KANSL1L: variants seen among roughly 807,000 people sequenced by gnomAD.
KANSL1L encodes the protein KAT8 regulatory NSL complex subunit 1-like protein.
KANSL1L carries 25 observed loss-of-function variants against 108.6 expected under a neutral mutation model. The ratio of observed to expected loss-of-function variants is 0.23; its 90% CI spans 0.17 to 0.32. The LOEUF is 0.32. Among genes scored for constraint, KANSL1L ranks in the 10% least tolerant of loss-of-function variants. The pLI, the probability that KANSL1L is intolerant of heterozygous loss-of-function variation, is 1.00. For synonymous variants in KANSL1L, 405 were observed against 395.1 expected (o/e 1.03, Z -0.30); for missense variants, 1,137 against 1,125.7 (o/e 1.01, Z -0.14).
At chr2:210,083,458 C>A (rs765148311) in intron 5 of KANSL1L, among the ~76,000 whole-genome samples, 42 of 152,228 alleles carry the variant, frequency 2.8e-4, no homozygotes, top group Non-Finnish European at 5.6e-4. Context: ...AGGCAGCAAC[C>A]TTTTCCATAC....
chr2:210,094,235 T>G (rs55682356), intron 5 of KANSL1L, among the ~76,000 whole-genome samples: 1 of 152,160 alleles, frequency 6.6e-6, no homozygotes, highest in African/African-American at 2.4e-5. Flanking sequence ...TTTATAATTT[T>G]GAAAAATACT....
In KANSL1L at chr2:210,075,485, C is replaced by A. The variant is rs533754371; in HGVS notation, c.1755+67G>T. 64 of 1,026,732 alleles carry A rather than the reference C, an allele frequency of 6.2e-5. No individual in the cohort carries two copies. In the South Asian group the frequency reaches 8.2e-4, roughly 13 times the overall value. 63.6% of individuals were successfully genotyped at this position (1,026,732 alleles called of 1,614,324 possible). A position where few individuals can be genotyped will look rare whatever the true frequency, so the allele number is the denominator to read the frequency against. On this transcript the variant is annotated intron_variant, in intron 6 of 14. Coordinates refer to ENST00000281772, the MANE Select transcript of KANSL1L (RefSeq NM_152519.4). Reference sequence around the variant, plus strand: ...TGTTATGCTAAATAACAATCTACATCTTCTCATGCATGAAATATGCTGATG... The same window carrying A: ...TGTTATGCTAAATAACAATCTACATATTCTCATGCATGAAATATGCTGATG...
intron 2 of KANSL1L, among the ~76,000 whole-genome samples, chr2:210,133,753 T>G (rs185243980): frequency 4.6e-5 from 7 of 152,276 alleles, no homozygotes; most frequent in Admixed American, 1.3e-4. Context: ...ATGTTTCTAA[T>G]ATTATTCAGT....
intron 3 of KANSL1L, among the ~76,000 whole-genome samples, chr2:210,105,319 A>AT (rs2094836029): frequency 6.7e-6 from 1 of 148,156 alleles, no homozygotes; most frequent in African/African-American, 2.5e-5. Context: ...TATATTATAT[A>AT]TTATATACAC....
chr2:210,052,626 C>T (rs1489074496), intron 6 of KANSL1L, among the ~76,000 whole-genome samples: 1 of 152,188 alleles, frequency 6.6e-6, no homozygotes, highest in Non-Finnish European at 1.5e-5. Context: ...AATTTTCTAT[C>T]TCCTTACTTT....
chr2:210,039,998 T>G (rs1275637009), intron 8 of KANSL1L, among the ~76,000 whole-genome samples: 2 of 151,852 alleles, frequency 1.3e-5, no homozygotes, highest in Admixed American at 6.5e-5. Context: ...TCTCTAAACT[T>G]TTTATAATAA....
At position 210,104,262 on chromosome 2, in the gene KANSL1L, T is replaced by C; in HGVS notation, c.1270A>G (p.Ile424Val). 1 of 1,613,846 alleles carries C rather than the reference T, an allele frequency of 6.2e-7. No homozygotes were observed. Among genetic ancestry groups the C allele is most frequent in the South Asian group, 1.1e-5 (1 of 91,068 alleles). ...VLEECQLPKD[I>V]LKKQMQFADQ... is the part of the protein sequence containing the mutation. Reference sequence around the variant, plus strand: ...GCAAATTGCATTTGTTTTTTCAAAATATCTTTTGGAAGCTGACATTCTTCT... The same window carrying C: ...GCAAATTGCATTTGTTTTTTCAAAACATCTTTTGGAAGCTGACATTCTTCT... Residue 424 changes from isoleucine (I) to valine (V), a missense_variant, in exon 4 of 15, where the codon ATT becomes GTT. Coordinates refer to ENST00000281772, the MANE Select transcript of KANSL1L (RefSeq NM_152519.4).
intron 3 of KANSL1L, among the ~76,000 whole-genome samples, chr2:210,107,516 A>AAG (rs1362338029): frequency 2.8e-5 from 4 of 141,060 alleles, no homozygotes; most frequent in Non-Finnish European, 6.1e-5. Context: ...TCCTCAAAAA[A>AAG]AAAATATATA....
intron 12 of KANSL1L, among the ~76,000 whole-genome samples, chr2:210,026,654 AAAT>A (rs1216011718): frequency 6.6e-6 from 1 of 152,252 alleles, no homozygotes; most frequent in Non-Finnish European, 1.5e-5. Flanking sequence ...ATTTAAACTT[AAAT>A]AATGAGTGAG....
intron 1 of KANSL1L, among the ~76,000 whole-genome samples, chr2:210,163,737 GTATACT>G (rs1401344645): frequency 6.6e-6 from 1 of 151,904 alleles, no homozygotes; most frequent in African/African-American, 2.4e-5. Flanking sequence ...ATATACAATA[GTATACT>G]TATAACAAAT....
At position 210,021,526 on chromosome 2, in the gene KANSL1L, TTTG is replaced by T. The variant is rs2093855519; in HGVS notation, c.*1420_*1422del. 1 of 152,574 alleles carries T rather than the reference TTTG, an allele frequency of 6.6e-6. No homozygotes were observed. The highest frequency in any genetic ancestry group is 2.4e-5 in the African/African-American group (1 of 41,448). The allele number at this position is 152,574 out of a possible 1,614,324, so 9.5% of individuals were successfully genotyped here. A position where few individuals can be genotyped will look rare whatever the true frequency, so the allele number is the denominator to read the frequency against. ...CTGGACAACTTGGGTTTGTCTGGCT[TTTG>T]TTTTCTTTTTCTTTAAAAATAAATG... On this transcript the variant is annotated 3_prime_UTR_variant, in exon 15 of 15. Transcript: ENST00000281772.
At chr2:210,089,563 C>T (rs1298863135) in intron 5 of KANSL1L, among the ~76,000 whole-genome samples, 1 of 152,086 alleles carries the variant, frequency 6.6e-6, no homozygotes, top group Admixed American at 6.6e-5. Context: ...GATTAACACA[C>T]CTGCCCAAGT....
intron 6 of KANSL1L, among the ~76,000 whole-genome samples, chr2:210,049,296 TCCACCCAC>T (rs1248994443): frequency 9.2e-6 from 1 of 108,768 alleles, no homozygotes; most frequent in African/African-American, 3.5e-5. Flanking sequence ...CCCCCACCCC[TCCACCCAC>T]CACACTTCTC....
chr2:210,059,135 C>T (rs2094392093), intron 6 of KANSL1L, among the ~76,000 whole-genome samples: 4 of 132,462 alleles, frequency 3.0e-5, no homozygotes, highest in Non-Finnish European at 4.7e-5. Context: ...GAGACTCCGT[C>T]TCAAAAAAAA....
intron 9 of KANSL1L, 56 bp from the exon 10 acceptor site, chr2:210,029,974 AAT>A (rs1203051812): frequency 5.0e-6 from 4 of 794,002 alleles, no homozygotes; most frequent in Non-Finnish European, 6.1e-6. Flanking sequence ...ATATCATTAG[AAT>A]TACTTTCCTA....
chr2:210,074,966 T>C (rs1272236473), intron 6 of KANSL1L, among the ~76,000 whole-genome samples: 2 of 152,208 alleles, frequency 1.3e-5, no homozygotes, highest in Non-Finnish European at 2.9e-5. Context: ...AGTATACCCA[T>C]TATTTTGTTC....
chr2:210,115,785 T>G (rs2094948005), intron 3 of KANSL1L, among the ~76,000 whole-genome samples: 1 of 152,188 alleles, frequency 6.6e-6, no homozygotes, highest in Admixed American at 6.6e-5. Flanking sequence ...ACCAATCACC[T>G]GTTAATCCCA....
At chr2:210,125,388 T>C (rs192804786) in intron 3 of KANSL1L, among the ~76,000 whole-genome samples, 12 of 152,334 alleles carry the variant, frequency 7.9e-5, no homozygotes, top group African/African-American at 2.9e-4. Flanking sequence ...TACTAAATTT[T>C]TAAAGAAGAC....
chr2:210,061,398 G>A (rs957764512), intron 6 of KANSL1L, among the ~76,000 whole-genome samples: 5 of 152,144 alleles, frequency 3.3e-5, no homozygotes, highest in African/African-American at 9.7e-5. Flanking sequence ...CAATAGTATA[G>A]GGCCTAACGT....
Sources: allele counts gnomAD v4.1 joint callset (sites outside exome capture counted in the v4.1 genomes callset), GRCh38; gene constraint gnomAD v4.1.1; transcripts MANE v1.5; gene names NCBI Gene and HGNC (gene_info 2026-07-23, HGNC 2026-07-21).